The following SS18 variants were observed in gnomAD, a reference collection of about 807,000 sequenced individuals.
SS18 encodes the protein SS18 subunit of BAF chromatin remodeling complex.
A neutral mutation model predicts 72.5 loss-of-function variants in SS18; 28 were observed. The observed-to-expected ratio is 0.39, with a 90% CI of 0.29 to 0.53. The LOEUF (loss-of-function observed/expected upper bound fraction) is 0.53, where lower values mean the gene tolerates loss of function less well. SS18 is among the 20% of genes least tolerant of loss of function. SS18 has a pLI of 0.76. For synonymous variants in SS18, 172 were observed against 164.2 expected (o/e 1.05, Z -0.37); for missense variants, 518 against 535.3 (o/e 0.97, Z 0.32).
rs200882749 is a variant in SS18 at position 26,078,259 on chromosome 18, ATT to A, written c.147-101_147-100del. On this transcript the variant is annotated intron_variant, in intron 2 of 10. Transcript: ENST00000415083. Reference sequence around the variant, plus strand: ...AATCATTTCTAAAGTTTCATTAAAAATTTGTTACCCGAACATCAATAGCACTT... The same window carrying A: ...AATCATTTCTAAAGTTTCATTAAAAATGTTACCCGAACATCAATAGCACTT... The A allele has an allele frequency of 2.9e-5, 24 of 817,508 alleles. No individual in the cohort carries two copies. The East Asian group carries it at 6.6e-4, about 23-fold the overall frequency. 50.6% of individuals were successfully genotyped at this position (817,508 alleles called of 1,614,324 possible).
chr18:26,027,029 T>C (rs1441380741), intron 10 of SS18, among the ~76,000 whole-genome samples: 1 of 152,166 alleles, frequency 6.6e-6, no homozygotes, highest in Non-Finnish European at 1.5e-5. Context: ...CAAATTAATC[T>C]ATAAATTCAT....
At chr18:26,021,333 G>A (rs938171948) in intron 10 of SS18, among the ~76,000 whole-genome samples, 4 of 152,132 alleles carry the variant, frequency 2.6e-5, no homozygotes, top group African/African-American at 9.7e-5. Context: ...AGTTATTCAA[G>A]AAGAAAAACA....
intron 7 of SS18, 87 bp from the exon 8 acceptor site, chr18:26,036,010 GAA>G (rs750016360): frequency 5.1e-6 from 4 of 791,286 alleles, no homozygotes; most frequent in African/African-American, 1.8e-5. Flanking sequence ...AGATAAAATT[GAA>G]AAAAAAGAAA....
rs761587745 is a variant in SS18, at chr18:26,035,721, C to T, written c.973+110G>A. ...TCCCTGCAACTTTCAAGAAAGCCAG[C>T]AACTAGTATTCTACAAGAGCTTTGC... On this transcript the variant is annotated intron_variant, in intron 8 of 10. Coordinates refer to ENST00000415083, the MANE Select transcript of SS18 (RefSeq NM_001007559.3). The surrounding 1 kb of genome is among the most constrained non-coding windows in gnomAD (Gnocchi z 4.4). The T allele has an allele frequency of 1.0e-5, 6 of 575,078 alleles. No individual in the cohort carries two copies. Among genetic ancestry groups the T allele is most frequent in the Non-Finnish European group, 1.4e-5 (5 of 356,846 alleles). 35.6% of individuals were successfully genotyped at this position (575,078 alleles called of 1,614,324 possible).
Position 26,078,135 on chromosome 18 carries a change from A to C in SS18, c.172T>G (p.Leu58Val). Reference sequence around the variant, plus strand: ...TCTGCTATTGTAGCAAGGTATACCAAGTTTGTGTGCAACATCTGCTGATAC... The same window carrying C: ...TCTGCTATTGTAGCAAGGTATACCACGTTTGTGTGCAACATCTGCTGATAC... ...SQYQQMLHTN[L>V]VYLATIADSN... Residue 58 changes from leucine to valine, a missense_variant, in exon 3 of 11, where the codon TTG becomes GTG. Coordinates refer to ENST00000415083, the MANE Select transcript of SS18 (RefSeq NM_001007559.3). 6.2e-7 allele frequency: 1 copy of C among 1,612,780 alleles called. No homozygotes were observed. Among genetic ancestry groups the C allele is most frequent in the Non-Finnish European group, 8.5e-7 (1 of 1,179,480 alleles).
chr18:26,058,477 T>A (rs2054064625), intron 3 of SS18, among the ~76,000 whole-genome samples: 1 of 152,224 alleles, frequency 6.6e-6, no homozygotes, highest in Admixed American at 6.5e-5. Context: ...TTCGCTCCAA[T>A]CCCCCATTTT....
At chr18:26,027,049 A>C (rs115002648) in intron 10 of SS18, among the ~76,000 whole-genome samples, 88 of 152,282 alleles carry the variant, frequency 5.8e-4, no homozygotes, top group African/African-American at 2.0e-3. Flanking sequence ...TGGCAATTAC[A>C]ATGAAACTCC....
At chr18:26,042,067 CTA>C (rs1598553274) in intron 5 of SS18, among the ~76,000 whole-genome samples, 1 of 152,060 alleles carries the variant, frequency 6.6e-6, no homozygotes, top group Non-Finnish European at 1.5e-5. Flanking sequence ...AAAATTATGA[CTA>C]TGACTTCAAT....
At chr18:26,025,439 T>C (rs1045259463) in intron 10 of SS18, among the ~76,000 whole-genome samples, 3 of 152,004 alleles carry the variant, frequency 2.0e-5, no homozygotes, top group African/African-American at 7.2e-5. Context: ...CGAGCTGCTT[T>C]TTGAGAAAAA....
chr18:26,020,952 A>C (rs1266956844), intron 10 of SS18, among the ~76,000 whole-genome samples: 1 of 152,198 alleles, frequency 6.6e-6, no homozygotes. Flanking sequence ...TACCCTGATA[A>C]TAATACCTCA....
intron 5 of SS18, among the ~76,000 whole-genome samples, chr18:26,045,638 C>G (rs1350156524): frequency 6.6e-6 from 1 of 152,062 alleles, no homozygotes; most frequent in Non-Finnish European, 1.5e-5. Flanking sequence ...TTGTTAGGAA[C>G]TTACTAGCAT....
intron 5 of SS18, among the ~76,000 whole-genome samples, chr18:26,050,236 CAA>C (rs34438763): frequency 4.3e-5 from 5 of 117,254 alleles, no homozygotes; most frequent in Admixed American, 9.0e-5. Flanking sequence ...GACTCCACCT[CAA>C]AAAAAAAAAA....
chr18:26,085,299 T>C (rs756450135), intron 2 of SS18, among the ~76,000 whole-genome samples: 1 of 152,280 alleles, frequency 6.6e-6, no homozygotes, highest in Non-Finnish European at 1.5e-5. Context: ...CCTCCCAAAG[T>C]GCTGGGATTT....
intron 10 of SS18, 66 bp downstream of exon 10, chr18:26,032,333 A>G: frequency 6.4e-7 from 1 of 1,573,172 alleles, no homozygotes; most frequent in Non-Finnish European, 8.7e-7. Context: ...AAATTTTAAA[A>G]AAAAGTTCAC....
chr18:26,042,514 T>A (rs1258580998), intron 5 of SS18, among the ~76,000 whole-genome samples: 1 of 152,076 alleles, frequency 6.6e-6, no homozygotes, highest in African/African-American at 2.4e-5. Flanking sequence ...AGATATTCTA[T>A]GAAAATAACA....
At chr18:26,075,952 G>A (rs893927986) in intron 3 of SS18, among the ~76,000 whole-genome samples, 3 of 151,656 alleles carry the variant, frequency 2.0e-5, no homozygotes, top group Non-Finnish European at 4.4e-5. Context: ...ACAAAGATTC[G>A]ATTTAAAATG....
At chr18:26,090,662 C>T (rs1667251090), upstream of SS18, 2 of 1,307,774 alleles carry the variant, frequency 1.5e-6, no homozygotes, top group Non-Finnish European at 2.1e-6. Context: ...TGAACCACCT[C>T]GGGAATGCGG....
chr18:26,090,423 G>C, intron 1 of SS18, 78 bp downstream of exon 1: 1 of 1,454,768 alleles, frequency 6.9e-7, no homozygotes. Context: ...GGTCGACTCC[G>C]GGCCCGGCCC....
intron 4 of SS18, among the ~76,000 whole-genome samples, chr18:26,055,281 A>C (rs2053996742): frequency 6.6e-6 from 1 of 152,010 alleles, no homozygotes; most frequent in Non-Finnish European, 1.5e-5. Flanking sequence ...AGCCTGGCCA[A>C]CATGGTGAAA....
Sources: allele counts gnomAD v4.1 joint callset (sites outside exome capture counted in the v4.1 genomes callset), GRCh38; gene constraint gnomAD v4.1.1; non-coding constraint Gnocchi (gnomAD v3.1); transcripts MANE v1.5; gene names NCBI Gene and HGNC (gene_info 2026-07-23, HGNC 2026-07-21).